The following ASIC2 variants were observed in gnomAD, a reference collection of about 807,000 sequenced individuals.
The protein encoded by ASIC2 is acid-sensing ion channel 2.
Under a neutral mutation model 57.3 loss-of-function variants are expected in ASIC2, and 25 were observed. That is an observed-to-expected ratio of 0.44 (90% confidence interval 0.32 to 0.61). The LOEUF is 0.61. Ranked by LOEUF, ASIC2 falls within the 20% of genes least tolerant of loss-of-function variation. The probability of loss-of-function intolerance (pLI) is 0.06; values close to 1 mark genes in which losing one functional copy is unlikely to be tolerated. For missense variants in ASIC2, 641 were observed against 738.1 expected (o/e 0.87, Z 1.52); for synonymous variants, 319 against 307.5 (o/e 1.04, Z -0.39).
intron 1 of ASIC2, among the ~76,000 whole-genome samples, chr17:33,511,101 C>T (rs963005871): frequency 7.2e-5 from 11 of 151,886 alleles, no homozygotes; most frequent in South Asian, 4.2e-4. Flanking sequence ...TTTTCACAGA[C>T]GGGTGCCCAC....
intron 1 of ASIC2, among the ~76,000 whole-genome samples, chr17:33,692,816 C>G (rs1908414594): frequency 6.6e-6 from 1 of 152,168 alleles, no homozygotes; most frequent in Admixed American, 6.5e-5. Flanking sequence ...TATGACACCA[C>G]TAGGCAATAG....
chr17:33,399,281 C>T (rs1910194834), intron 1 of ASIC2, among the ~76,000 whole-genome samples: 1 of 152,182 alleles, frequency 6.6e-6, no homozygotes, highest in Non-Finnish European at 1.5e-5. Context: ...AATATGTTCA[C>T]TTCAAACAAA....
At chr17:33,584,363 CAA>C (rs1462241923) in intron 1 of ASIC2, among the ~76,000 whole-genome samples, 1 of 152,122 alleles carries the variant, frequency 6.6e-6, no homozygotes, top group Non-Finnish European at 1.5e-5. Flanking sequence ...GGGTGGCTAA[CAA>C]GAGAATGAAT....
At chr17:33,837,495 AGCAC>A (rs1913308587) in intron 1 of ASIC2, among the ~76,000 whole-genome samples, 1 of 152,212 alleles carries the variant, frequency 6.6e-6, no homozygotes, top group Non-Finnish European at 1.5e-5. Context: ...AACCAATGTA[AGCAC>A]AATGTCTACT....
intron 1 of ASIC2, among the ~76,000 whole-genome samples, chr17:33,202,167 G>T (rs997346553): frequency 6.6e-6 from 1 of 152,174 alleles, no homozygotes; most frequent in Non-Finnish European, 1.5e-5. Context: ...AGGCTCACCT[G>T]GCCTGCCTGC....
At chr17:33,504,486 G>A (rs960953204) in intron 1 of ASIC2, among the ~76,000 whole-genome samples, 1 of 152,000 alleles carries the variant, frequency 6.6e-6, no homozygotes, top group Non-Finnish European at 1.5e-5. Flanking sequence ...TTACGGGTGC[G>A]CCACCACCAC....
chr17:34,154,262 C>T (rs1904632606), intron 1 of ASIC2, among the ~76,000 whole-genome samples: 1 of 152,194 alleles, frequency 6.6e-6, no homozygotes, highest in Non-Finnish European at 1.5e-5. Context: ...GCTTCAGCCT[C>T]CAAGAATAAG....
intron 1 of ASIC2, among the ~76,000 whole-genome samples, chr17:33,178,144 A>G (rs2142055893): frequency 6.6e-6 from 1 of 152,322 alleles, no homozygotes; most frequent in African/African-American, 2.4e-5. Context: ...AAGAGAATAG[A>G]TTTTAGGTGT....
chr17:33,963,809 C>G (rs1440337844), intron 1 of ASIC2, among the ~76,000 whole-genome samples: 1 of 152,096 alleles, frequency 6.6e-6, no homozygotes, highest in Non-Finnish European at 1.5e-5. Context: ...GACTGACTTT[C>G]AGGAAAACAA....
chr17:33,609,351 T>C (rs1187450137), intron 1 of ASIC2, among the ~76,000 whole-genome samples: 1 of 152,162 alleles, frequency 6.6e-6, no homozygotes, highest in Non-Finnish European at 1.5e-5. Flanking sequence ...CTGTCTAAAC[T>C]CATCGTGACT....
Position 33,023,863 on chromosome 17 carries a change from GAT to G in ASIC2, c.1345_1346del (p.Ile449LeufsTer12). 1 of 1,614,154 alleles carries G rather than the reference GAT, an allele frequency of 6.2e-7. No individual in the cohort carries two copies. Among genetic ancestry groups the G allele is most frequent in the Non-Finnish European group, 8.5e-7 (1 of 1,180,026 alleles). ...EKKFNKSEKY[I>X]SENILVLDIF... ...CCTACCATGCCCACTAAACTTACGAGATATATTTTTCTGATTTGTTAAATTTC... is the reference window on the plus strand; with the variant it reads ...CCTACCATGCCCACTAAACTTACGAGATATTTTTCTGATTTGTTAAATTTC... On this transcript the variant is annotated frameshift_variant, in exon 6 of 10. Coordinates refer to ENST00000225823, the MANE Select transcript of ASIC2 (RefSeq NM_183377.2). LOFTEE classifies it high-confidence loss of function.
intron 1 of ASIC2, among the ~76,000 whole-genome samples, chr17:33,201,789 G>A (rs1327014551): frequency 6.6e-6 from 1 of 152,096 alleles, no homozygotes; most frequent in Non-Finnish European, 1.5e-5. Flanking sequence ...CAGCACTTTG[G>A]GAAACTGAGG....
intron 1 of ASIC2, among the ~76,000 whole-genome samples, chr17:33,760,067 C>A (rs1410540739): frequency 1.3e-5 from 2 of 151,656 alleles, no homozygotes; most frequent in African/African-American, 4.9e-5. Context: ...GTGTTATGAG[C>A]AACAAAAAGC....
At chr17:33,190,424 T>C (rs1906367948) in intron 1 of ASIC2, among the ~76,000 whole-genome samples, 1 of 152,160 alleles carries the variant, frequency 6.6e-6, no homozygotes, top group Non-Finnish European at 1.5e-5. Context: ...TGCCATGCTA[T>C]TGACAGGAAG....
intron 2 of ASIC2, among the ~76,000 whole-genome samples, chr17:33,105,425 T>A (rs1345771949): frequency 6.6e-6 from 1 of 152,228 alleles, no homozygotes; most frequent in East Asian, 1.9e-4. Context: ...TCTCCAGCTA[T>A]GTGGAACTGT....
At chr17:33,364,117 G>A (rs1388853104) in intron 1 of ASIC2, among the ~76,000 whole-genome samples, 1 of 152,168 alleles carries the variant, frequency 6.6e-6, no homozygotes, top group East Asian at 1.9e-4. Context: ...ATAAGGAGAA[G>A]GGTCACAAGT....
rs887928630 is a variant in ASIC2, at chr17:33,175,809, C to T, written c.709-63742G>A. Among the ~76,000 whole-genome samples the T allele has an allele frequency of 1.2e-4, 18 of 152,278 alleles. No individual in the cohort carries two copies. In the East Asian group the frequency reaches 3.1e-3, roughly 26 times the overall value. On this transcript the variant is annotated intron_variant, in intron 1 of 9. Coordinates refer to ENST00000225823, the MANE Select transcript of ASIC2 (RefSeq NM_183377.2). Reference sequence around the variant, plus strand: ...CCACTTGGCTCCTGACCAATCTCGGCGCTCTCTTCTTGCTTTTCCAGTGTA... The same window carrying T: ...CCACTTGGCTCCTGACCAATCTCGGTGCTCTCTTCTTGCTTTTCCAGTGTA...
intron 1 of ASIC2, among the ~76,000 whole-genome samples, chr17:33,424,178 C>T (rs1597723522): frequency 6.6e-6 from 1 of 152,130 alleles, no homozygotes; most frequent in Non-Finnish European, 1.5e-5. Flanking sequence ...TGGTCACTGC[C>T]CACACTGGCT....
At chr17:33,400,662 A>G (rs565028972) in intron 1 of ASIC2, among the ~76,000 whole-genome samples, 1 of 152,300 alleles carries the variant, frequency 6.6e-6, no homozygotes, top group Admixed American at 6.5e-5. Context: ...TCAGGACTTA[A>G]AAAAAGATCA....
Sources: allele counts gnomAD v4.1 joint callset (sites outside exome capture counted in the v4.1 genomes callset), GRCh38; gene constraint gnomAD v4.1.1; transcripts MANE v1.5; gene names NCBI Gene and HGNC (gene_info 2026-07-23, HGNC 2026-07-21).